The following FAM131B variants were observed in gnomAD, a reference collection of about 807,000 sequenced individuals.
The protein encoded by FAM131B is protein FAM131B.
Under a neutral mutation model 42.0 loss-of-function variants are expected in FAM131B, and 19 were observed. The ratio of observed to expected loss-of-function variants is 0.45; its 90% confidence interval spans 0.32 to 0.66. The LOEUF is 0.66. Ranked by LOEUF, FAM131B falls within the 30% of genes least tolerant of loss-of-function variation. The probability of loss-of-function intolerance (pLI) is 0.05; values close to 1 mark genes in which losing one functional copy is unlikely to be tolerated. For synonymous variants in FAM131B, 183 were observed against 177.6 expected (o/e 1.03, Z -0.24); for missense variants, 370 against 468.4 (o/e 0.79, Z 1.94).
rs917294406 is a variant in FAM131B, at chr7:143,358,680, C to T, written c.466+147G>A. ...GTTTGAGGGCACTTATTTGAATTAC[C>T]ACATCAAAATACTTAGAGCTGTTTG... On this transcript the variant is annotated intron_variant, in intron 5 of 6. Coordinates refer to ENST00000443739, the MANE Select transcript of FAM131B (RefSeq NM_001031690.3). This position sits in a 1 kb window ranked among gnomAD's most constrained non-coding sequence, Gnocchi z 4.7. The T allele has an allele frequency of 6.4e-6, 4 of 629,452 alleles. No homozygotes were observed. Among genetic ancestry groups the T allele is most frequent in the Non-Finnish European group, 1.1e-5 (4 of 357,310 alleles). The allele number at this position is 629,452 out of a possible 1,614,324, so 39.0% of individuals were successfully genotyped here. A position where few individuals can be genotyped will look rare whatever the true frequency, so the allele number is the denominator to read the frequency against.
At chr7:143,369,387 T>A in the FAM131B span, among the ~76,000 whole-genome samples, 1 of 152,150 alleles carries the variant, frequency 6.6e-6, no homozygotes, top group Non-Finnish European at 1.5e-5. Context: ...GTTAAAAAAA[T>A]GTTTTGGCCG....
At chr7:143,360,394 AG>A in intron 1 of FAM131B, 1 of 1,362,886 alleles carries the variant, frequency 7.3e-7, no homozygotes, top group East Asian at 3.0e-5. Context: ...GTTTATGTGG[AG>A]GGGTCAGAGG....
At chr7:143,379,180 G>GA in the FAM131B span, among the ~76,000 whole-genome samples, 2,777 of 152,278 alleles carry the variant, frequency 0.018, 25 homozygotes, top group Admixed American at 0.022. Context: ...TTATTCCTAT[G>GA]AGTTATCTTG....
At position 143,362,696 on chromosome 7, in the gene FAM131B, A is replaced by G; in HGVS notation, c.-93T>C. 4.9e-6 allele frequency: 3 copies of G among 607,558 alleles called. 1 individual carries two copies. The highest frequency in any genetic ancestry group is 6.8e-6 in the Non-Finnish European group (3 of 441,238). The allele number at this position is 607,558 out of a possible 1,614,324, so 37.6% of individuals were successfully genotyped here. On this transcript the variant is annotated 5_prime_UTR_variant, in exon 1 of 7. Coordinates refer to ENST00000443739, the MANE Select transcript of FAM131B (RefSeq NM_001031690.3). This position sits in a 1 kb window ranked among gnomAD's most constrained non-coding sequence, Gnocchi z 7.7. ...CGCGCCGCCGCCCCAGCCGCTCTGC[A>G]GCGCCGCGGCTGTCTCCGCTCGGCT...
At chr7:143,363,971 A>C (rs1804116315), upstream of FAM131B, 1 of 152,214 alleles carries the variant, frequency 6.6e-6, no homozygotes, top group South Asian at 2.1e-4. Context: ...CTAACAACTG[A>C]ATTGCAGATT....
the FAM131B span, among the ~76,000 whole-genome samples, chr7:143,375,164 C>T: frequency 2.0e-5 from 3 of 152,166 alleles, no homozygotes; most frequent in South Asian, 2.1e-4. Context: ...TAAGCTTTAC[C>T]AAATACAGGG....
At chr7:143,381,825 G>A in the FAM131B span, 4 of 1,464,664 alleles carry the variant, frequency 2.7e-6, no homozygotes, top group African/African-American at 1.4e-5. Context: ...GAGCCGGGGT[G>A]GGGGGCAGTC....
chr7:143,369,741 T>C, the FAM131B span, among the ~76,000 whole-genome samples: 4 of 151,118 alleles, frequency 2.6e-5, no homozygotes, highest in African/African-American at 9.7e-5. Flanking sequence ...CACAATAAAA[T>C]TAAAAGAAAA....
the FAM131B span, chr7:143,381,225 C>G: frequency 5.0e-6 from 5 of 1,009,330 alleles, no homozygotes; most frequent in South Asian, 9.3e-5. Context: ...TCCCCGCCCC[C>G]TCTCCGGGCC....
In FAM131B at chr7:143,358,345, A is replaced by C. The variant is rs1229581301; in HGVS notation, c.466+482T>G. ...GCATGCCTGTTATCAGACCTACACT[A>C]CTTTCCTGGAACTAAACCTCTTCTG... On this transcript the variant is annotated intron_variant, in intron 5 of 6. Transcript: ENST00000443739. This position sits in a 1 kb window ranked among gnomAD's most constrained non-coding sequence, Gnocchi z 4.7. Among the ~76,000 whole-genome samples the C allele has an allele frequency of 6.6e-6, 1 of 152,154 alleles. No individual in the cohort carries two copies. The highest frequency in any genetic ancestry group is 1.9e-4 in the East Asian group (1 of 5,192).
the FAM131B span, among the ~76,000 whole-genome samples, chr7:143,372,766 C>T: frequency 6.6e-6 from 1 of 152,090 alleles, no homozygotes; most frequent in Non-Finnish European, 1.5e-5. Context: ...CGAGACCAGC[C>T]TCGCCGACAT....
In FAM131B at chr7:143,356,190, G is replaced by C. The variant is rs1274733645; in HGVS notation, c.*360C>G. 4.1e-6 allele frequency: 1 copy of C among 245,316 alleles called. No homozygotes were observed. The highest frequency in any genetic ancestry group is 7.9e-6 in the Non-Finnish European group (1 of 126,098). The allele number at this position is 245,316 out of a possible 1,614,324, so 15.2% of individuals were successfully genotyped here. A position where few individuals can be genotyped will look rare whatever the true frequency, so the allele number is the denominator to read the frequency against. On this transcript the variant is annotated 3_prime_UTR_variant, in exon 7 of 7. Coordinates refer to ENST00000443739, the MANE Select transcript of FAM131B (RefSeq NM_001031690.3). This position sits in a 1 kb window ranked among gnomAD's most constrained non-coding sequence, Gnocchi z 4.4. ...ACAGCTCCTGGAAGACGAAATCGGGGCGTGAAGAACTGAGATCCAGTCTTG... is the reference window on the plus strand; with the variant it reads ...ACAGCTCCTGGAAGACGAAATCGGGCCGTGAAGAACTGAGATCCAGTCTTG...
At chr7:143,374,119 A>G in the FAM131B span, among the ~76,000 whole-genome samples, 1 of 151,994 alleles carries the variant, frequency 6.6e-6, no homozygotes, top group Non-Finnish European at 1.5e-5. Flanking sequence ...TCAAATTGCT[A>G]TTTGGAGGTA....
At chr7:143,357,814 T>C (rs1172176453) in intron 5 of FAM131B, among the ~76,000 whole-genome samples, 3 of 152,222 alleles carry the variant, frequency 2.0e-5, no homozygotes, top group Non-Finnish European at 2.9e-5. Context: ...GCTAATGTAT[T>C]GGACAGCACA....
Position 143,359,257 on chromosome 7 carries a change from A to G in FAM131B, c.268+69T>C. The G allele has an allele frequency of 1.6e-6, 2 of 1,278,236 alleles. No homozygotes were observed. 79.2% of individuals were successfully genotyped at this position (1,278,236 alleles called of 1,614,324 possible). On this transcript the variant is annotated intron_variant, in intron 4 of 6. Transcript: ENST00000443739. This position sits in a 1 kb window ranked among gnomAD's most constrained non-coding sequence, Gnocchi z 5.4. ...GGGTCTTCATCAACCTCGAAGGAGCAGGGAGACTGAGCCAAGGAGTCTGTC... is the reference window on the plus strand; with the variant it reads ...GGGTCTTCATCAACCTCGAAGGAGCGGGGAGACTGAGCCAAGGAGTCTGTC...
chr7:143,357,462 G>A (rs1803719982), intron 5 of FAM131B, 39 bp from the exon 6 acceptor site: 1 of 1,585,932 alleles, frequency 6.3e-7, no homozygotes, highest in Non-Finnish European at 8.6e-7. Flanking sequence ...ATACCTCAGG[G>A]AATCCTTAGA....
In FAM131B at chr7:143,356,878, G is replaced by A; in HGVS notation, c.755C>T (p.Ala252Val). Residue 252 changes from alanine to valine, a missense_variant, in exon 7 of 7, where the codon GCA (alanine) becomes GTA (valine). Coordinates refer to ENST00000443739, the MANE Select transcript of FAM131B (RefSeq NM_001031690.3). The surrounding 1 kb of genome is among the most constrained non-coding windows in gnomAD (Gnocchi z 4.4). Reference sequence around the variant, plus strand: ...CAAGCTGGGTTGTGAGTCATCAAATGCAGGCCCAAGATAGGATCCTGTGGC... The same window carrying A: ...CAAGCTGGGTTGTGAGTCATCAAATACAGGCCCAAGATAGGATCCTGTGGC... ...SPATGSYLGP[A>V]FDDSQPSLHE... 6.2e-7 allele frequency: 1 copy of A among 1,614,126 alleles called. No individual in the cohort carries two copies. The highest frequency in any genetic ancestry group is 8.5e-7 in the Non-Finnish European group (1 of 1,180,032).
At chr7:143,370,576 C>T in the FAM131B span, among the ~76,000 whole-genome samples, 12 of 152,202 alleles carry the variant, frequency 7.9e-5, no homozygotes, top group Admixed American at 1.3e-4. Flanking sequence ...GAAATGGCGA[C>T]GAGAGTAACC....
upstream of FAM131B, chr7:143,362,744 T>G: frequency 3.6e-6 from 1 of 279,706 alleles, no homozygotes; most frequent in East Asian, 7.9e-5. This position sits in a 1 kb window ranked among gnomAD's most constrained non-coding sequence, Gnocchi z 7.7. Context: ...CCCCTCTCCA[T>G]CCCTCCCCAC....
Sources: gnomAD v4.1 joint callset for allele counts (sites outside exome capture counted in the v4.1 genomes callset) on GRCh38, gnomAD v4.1.1 for gene constraint, Gnocchi (gnomAD v3.1) non-coding constraint, MANE v1.5 for transcripts, NCBI Gene and HGNC (gene_info 2026-07-23, HGNC 2026-07-21) for gene names.